The following FAM120B variants were observed in gnomAD, a reference collection of about 807,000 sequenced individuals.
FAM120B encodes family with sequence similarity 120 member B.
A neutral mutation model predicts 96.3 loss-of-function variants in FAM120B; 83 were observed. That is an observed-to-expected ratio of 0.86 (90% CI 0.72 to 1.03). The LOEUF (loss-of-function observed/expected upper bound fraction) is 1.03. FAM120B is among the 50% of genes least tolerant of loss of function. The pLI is 0.00. For missense variants in FAM120B, 1,027 were observed against 1,121.2 expected (o/e 0.92, Z 1.20); for synonymous variants, 407 against 402.7 (o/e 1.01, Z -0.13).
rs773198525 is a variant in FAM120B at position 170,323,080 on chromosome 6, T to C, written c.1736T>C (p.Val579Ala). ...CAGTTGTATTTAAATTTCAAACAGGTTGCTAGAACACATCACGTCCAAGCA... is the reference window on the plus strand; with the variant it reads ...CAGTTGTATTTAAATTTCAAACAGGCTGCTAGAACACATCACGTCCAAGCA... ...TMVSDTEILK[V>A]ARTHHVQAES... The change falls in exon 3 of 11, where the codon GTT becomes GCT. Residue 579 changes from valine to alanine, a missense_variant and splice_region_variant. Val to Ala is a moderately conservative substitution (Grantham distance 64, BLOSUM62 0). Coordinates refer to ENST00000476287, the MANE Select transcript of FAM120B (RefSeq NM_032448.3). The C allele has an allele frequency of 6.2e-7, 1 of 1,601,650 alleles. No homozygotes were observed. Among genetic ancestry groups the C allele is most frequent in the Non-Finnish European group, 8.5e-7 (1 of 1,175,152 alleles).
chr6:170,379,036 G>A (rs1246432689), intron 6 of FAM120B, among the ~76,000 whole-genome samples: 1 of 152,190 alleles, frequency 6.6e-6, no homozygotes, highest in African/African-American at 2.4e-5. Context: ...TGGCGTTTAT[G>A]CTGAGGGAAA....
intron 6 of FAM120B, among the ~76,000 whole-genome samples, chr6:170,374,767 G>A (rs1334182947): frequency 6.6e-6 from 1 of 152,222 alleles, no homozygotes; most frequent in Non-Finnish European, 1.5e-5. Context: ...GCATCTGTTA[G>A]ATGAACGGGT....
At chr6:170,379,703 A>G (rs1789792249) in intron 6 of FAM120B, among the ~76,000 whole-genome samples, 1 of 152,200 alleles carries the variant, frequency 6.6e-6, no homozygotes, top group South Asian at 2.1e-4. Flanking sequence ...TAATTTCTTT[A>G]TAAATCCGTG....
intron 4 of FAM120B, among the ~76,000 whole-genome samples, chr6:170,331,719 C>T (rs567284417): frequency 6.6e-6 from 1 of 152,234 alleles, no homozygotes; most frequent in South Asian, 2.1e-4. Context: ...GTCATTGTGT[C>T]AAGAGTTAAT....
chr6:170,332,656 C>A (rs1256038314), intron 4 of FAM120B, among the ~76,000 whole-genome samples: 1 of 152,104 alleles, frequency 6.6e-6, no homozygotes, highest in Non-Finnish European at 1.5e-5. Context: ...CGAGATCACG[C>A]CATTGCACTC....
upstream of FAM120B, among the ~76,000 whole-genome samples, chr6:170,294,009 C>A (rs891681079): frequency 6.6e-6 from 1 of 152,140 alleles, no homozygotes; most frequent in South Asian, 2.1e-4. This position sits in a 1 kb window ranked among gnomAD's most constrained non-coding sequence, Gnocchi z 7.9. Context: ...GGGGACGACA[C>A]GCCTTTAGAC....
Position 170,318,382 on chromosome 6 carries a change from C to T in FAM120B, c.992C>T (p.Thr331Met), listed in dbSNP as rs112432653. 1.5e-4 allele frequency: 241 copies of T among 1,614,236 alleles called. No homozygotes were observed. In the African/African-American group the frequency reaches 2.6e-3, roughly 17 times the overall value. Reference protein sequence around the residue: ...VITLDKQVISTSSDAESREEV... With the variant: ...VITLDKQVISMSSDAESREEV... ...ACTTTGGACAAACAAGTAATATCCA[C>T]GAGTTCAGACGCCGAATCCAGGGAA... is the stretch of plus-strand genomic sequence containing the variant. Residue 331 changes from threonine to methionine, a missense_variant, in exon 2 of 11, where the codon ACG (threonine) becomes ATG (methionine). Thr to Met is a moderately conservative substitution (Grantham distance 81). This residue lies in a region of FAM120B where 880 missense variants were observed against 980.9 expected (regional missense o/e 0.90). Coordinates refer to ENST00000476287, the MANE Select transcript of FAM120B (RefSeq NM_032448.3).
At chr6:170,374,404 T>C (rs946695818) in intron 6 of FAM120B, among the ~76,000 whole-genome samples, 3 of 152,228 alleles carry the variant, frequency 2.0e-5, no homozygotes, top group Admixed American at 2.0e-4. Context: ...GGTGAACTGG[T>C]GTGGACCCAG....
chr6:170,324,596 T>C (rs1481124016), intron 3 of FAM120B, among the ~76,000 whole-genome samples: 2 of 152,236 alleles, frequency 1.3e-5, no homozygotes, highest in Non-Finnish European at 2.9e-5. Flanking sequence ...GACTATTTCA[T>C]TAAACTATAT....
chr6:170,323,036 C>A (rs1170152436), intron 2 of FAM120B, 43 bp from the exon 3 acceptor site: 11 of 1,538,856 alleles, frequency 7.1e-6, no homozygotes, highest in Non-Finnish European at 8.8e-6. Flanking sequence ...GGTTACTATC[C>A]TGTTTTTAAG....
chr6:170,389,373 T>G (rs1790362060), intron 7 of FAM120B, among the ~76,000 whole-genome samples: 1 of 152,158 alleles, frequency 6.6e-6, no homozygotes, highest in African/African-American at 2.4e-5. Context: ...GATTTTGGAT[T>G]TTCAGATTAG....
upstream of FAM120B, chr6:170,291,031 G>C: frequency 2.8e-6 from 2 of 701,912 alleles, no homozygotes; most frequent in Non-Finnish European, 5.2e-6. Context: ...TGTCACAAAG[G>C]AGCCACTTTT....
intron 9 of FAM120B, among the ~76,000 whole-genome samples, chr6:170,398,673 G>C: frequency 6.8e-6 from 1 of 146,910 alleles, no homozygotes; most frequent in Non-Finnish European, 1.5e-5. Context: ...GAGTGGGGAA[G>C]GTAGAACTAT....
chr6:170,381,348 C>A (rs1161639436), intron 6 of FAM120B, among the ~76,000 whole-genome samples: 3 of 152,158 alleles, frequency 2.0e-5, no homozygotes. Flanking sequence ...CAAACAGGTT[C>A]TTTAAAGAAC....
chr6:170,297,247 C>T (rs1784036292), intron 1 of FAM120B, among the ~76,000 whole-genome samples: 1 of 152,216 alleles, frequency 6.6e-6, no homozygotes, highest in African/African-American at 2.4e-5. Context: ...CCCGCGTCCC[C>T]CCAGGCTGCT....
intron 2 of FAM120B, among the ~76,000 whole-genome samples, chr6:170,319,671 A>T (rs561992253): frequency 1.3e-5 from 2 of 152,180 alleles, no homozygotes; most frequent in African/African-American, 2.4e-5. Context: ...ATAAAAATAA[A>T]TAAAGTACAG....
chr6:170,339,865 GT>G (rs1412457790), intron 4 of FAM120B, among the ~76,000 whole-genome samples: 1 of 151,698 alleles, frequency 6.6e-6, no homozygotes, highest in African/African-American at 2.4e-5. Context: ...TCTGCTGTTA[GT>G]CTGATGGGCT....
In FAM120B at chr6:170,379,761, C is replaced by T. The variant is rs1216459968; in HGVS notation, c.2284-8526C>T. The stretch of plus-strand genomic sequence containing the variant: ...GTTGTTCTAAGAAAGTGTTCGTAGG[C>T]TTCCTCAGGCTGCCATAAAGATTGA... On this transcript the variant is annotated intron_variant, in intron 6 of 10. Transcript: ENST00000476287. Among the ~76,000 whole-genome samples, 5 of 152,268 alleles carry T rather than the reference C, an allele frequency of 3.3e-5. No homozygotes were observed. In the East Asian group the frequency reaches 7.7e-4, roughly 23 times the overall value.
chr6:170,400,885 G>A (rs1329465309), intron 9 of FAM120B, among the ~76,000 whole-genome samples: 1 of 152,150 alleles, frequency 6.6e-6, no homozygotes, highest in Non-Finnish European at 1.5e-5. Context: ...CCAGAGCATG[G>A]CCCCCAGGTC....
Sources: gnomAD v4.1 joint callset for allele counts (sites outside exome capture counted in the v4.1 genomes callset) on GRCh38, gnomAD v4.1.1 for gene constraint, gnomAD v4.1.1 regional missense constraint, Gnocchi (gnomAD v3.1) non-coding constraint, MANE v1.5 for transcripts, NCBI Gene and HGNC (gene_info 2026-07-23, HGNC 2026-07-21) for gene names.